The following MIPEP variants were observed in gnomAD, a reference collection of about 807,000 sequenced individuals.
The protein encoded by MIPEP is mitochondrial intermediate peptidase.
A neutral mutation model predicts 90.3 loss-of-function variants in MIPEP; 79 were observed. The observed-to-expected ratio is 0.87, with a 90% CI of 0.73 to 1.05. The LOEUF (loss-of-function observed/expected upper bound fraction) is 1.05. Among genes scored for constraint, MIPEP ranks in the 50% least tolerant of loss-of-function variants. The probability of loss-of-function intolerance (pLI) is 0.00; values close to 1 mark genes in which losing one functional copy is unlikely to be tolerated. For synonymous variants in MIPEP, 334 were observed against 315.8 expected, an observed-to-expected ratio of 1.06 and a Z score of -0.61; for missense variants, 940 against 905.6, an observed-to-expected ratio of 1.04 and a Z score of -0.49.
At chr13:23,784,619 A>G (rs1365733070) in intron 16 of MIPEP, among the ~76,000 whole-genome samples, 2 of 152,226 alleles carry the variant, frequency 1.3e-5, no homozygotes, top group African/African-American at 4.8e-5. Flanking sequence ...AATGGCAACA[A>G]AAGCCAAAAT....
chr13:23,731,969 T>TC, intron 18 of MIPEP, among the ~76,000 whole-genome samples: 1 of 318 alleles, frequency 3.1e-3, no homozygotes, highest in Middle Eastern at 0.5. Flanking sequence ...GAATAGCTAA[T>TC]TTTTTTTTTT....
In MIPEP at chr13:23,846,713, CAA is replaced by C. The variant is rs34968948; in HGVS notation, c.1107-5227_1107-5226del. ...CCACTTGTGGTGTCATGTTGGCACT[CAA>C]AAAGTTTTGGATTTTGAAGCATTTC... On this transcript the variant is annotated intron_variant, in intron 10 of 18. Coordinates refer to ENST00000382172, the MANE Select transcript of MIPEP (RefSeq NM_005932.4). Among the ~76,000 whole-genome samples, 3 of 152,238 alleles carry C rather than the reference CAA, an allele frequency of 2.0e-5. No individual in the cohort carries two copies. The East Asian group carries it at 5.8e-4, about 29-fold the overall frequency.
chr13:23,823,384 T>C (rs966184202), intron 14 of MIPEP, among the ~76,000 whole-genome samples: 1 of 152,230 alleles, frequency 6.6e-6, no homozygotes, highest in East Asian at 1.9e-4. Flanking sequence ...ATGTATTAAC[T>C]GAATAGAAGA....
chr13:23,851,621 C>T (rs1869803281), intron 10 of MIPEP, among the ~76,000 whole-genome samples: 1 of 152,142 alleles, frequency 6.6e-6, no homozygotes. Flanking sequence ...GAGATCCTGT[C>T]AGCATCAATC....
At chr13:23,851,343 A>G (rs1869790947) in intron 10 of MIPEP, among the ~76,000 whole-genome samples, 1 of 152,234 alleles carries the variant, frequency 6.6e-6, no homozygotes, top group Non-Finnish European at 1.5e-5. Context: ...AAACACAATG[A>G]ATCAATGGAA....
At chr13:23,743,621 A>G (rs1211379820) in intron 18 of MIPEP, among the ~76,000 whole-genome samples, 2 of 152,274 alleles carry the variant, frequency 1.3e-5, no homozygotes, top group Non-Finnish European at 1.5e-5. Flanking sequence ...TGTGTTAGAC[A>G]GAAGTTGAGC....
intron 3 of MIPEP, among the ~76,000 whole-genome samples, chr13:23,880,550 G>T (rs1050142653): frequency 5.3e-5 from 8 of 152,200 alleles, no homozygotes; most frequent in African/African-American, 1.7e-4. Context: ...TAATTCGGCA[G>T]GACACAGCAT....
chr13:23,758,649 ACAGTCTGCAAAGGG>A (rs1272074949), intron 17 of MIPEP, among the ~76,000 whole-genome samples: 1 of 152,254 alleles, frequency 6.6e-6, no homozygotes, highest in Non-Finnish European at 1.5e-5. Context: ...CCAAATGTCT[ACAGTCTGCAAAGGG>A]CAGAAGACAA....
Position 23,756,317 on chromosome 13 carries a change from G to A in MIPEP, c.2044+228C>T, listed in dbSNP as rs1191556063. 2.0e-5 allele frequency: 9 copies of A among 446,214 alleles called. No individual in the cohort carries two copies. In the Admixed American group the frequency reaches 2.9e-4, roughly 14 times the overall value. 27.6% of individuals were successfully genotyped at this position (446,214 alleles called of 1,614,324 possible). On this transcript the variant is annotated intron_variant, in intron 18 of 18. Coordinates refer to ENST00000382172, the MANE Select transcript of MIPEP (RefSeq NM_005932.4). ...TTACAGGCGTCTGCCACCACGCCCA[G>A]CTATTTTTTGTATTTTTAGTAGAGA...
chr13:23,878,719 G>A (rs1338045043), intron 4 of MIPEP, among the ~76,000 whole-genome samples: 2 of 152,166 alleles, frequency 1.3e-5, no homozygotes, highest in South Asian at 2.1e-4. Context: ...CCTTTTTGAT[G>A]CAGATTTATA....
At chr13:23,770,490 T>C (rs1227478291) in intron 16 of MIPEP, among the ~76,000 whole-genome samples, 2 of 152,194 alleles carry the variant, frequency 1.3e-5, no homozygotes, top group East Asian at 3.9e-4. Context: ...CCGGTTTCAC[T>C]GCTGTCCCCC....
At chr13:23,843,886 T>C (rs1869417354) in intron 10 of MIPEP, among the ~76,000 whole-genome samples, 1 of 152,166 alleles carries the variant, frequency 6.6e-6, no homozygotes, top group Non-Finnish European at 1.5e-5. Context: ...GGTTTCTGGC[T>C]TGGACAAATA....
intron 18 of MIPEP, among the ~76,000 whole-genome samples, chr13:23,751,205 C>T (rs922859067): frequency 1.2e-4 from 18 of 152,152 alleles, no homozygotes; most frequent in African/African-American, 4.3e-4. Flanking sequence ...CCATAATTCT[C>T]TGGTTTGTTT....
At chr13:23,872,712 A>C (rs1347183436) in intron 5 of MIPEP, among the ~76,000 whole-genome samples, 1 of 152,164 alleles carries the variant, frequency 6.6e-6, no homozygotes, top group East Asian at 1.9e-4. Context: ...CTCCCGGGGA[A>C]AGAGGAGCTA....
chr13:23,812,603 T>C (rs1307787036), intron 14 of MIPEP, among the ~76,000 whole-genome samples: 1 of 152,022 alleles, frequency 6.6e-6, no homozygotes, highest in African/African-American at 2.4e-5. Context: ...TGGTCGTGCC[T>C]CACTCTCCCC....
chr13:23,733,754 C>T (rs74041361), intron 18 of MIPEP, among the ~76,000 whole-genome samples: 3,194 of 152,272 alleles, frequency 0.021, 120 homozygotes, highest in African/African-American at 0.073. Flanking sequence ...CAACTGTAGA[C>T]TAAAATATTT....
intron 16 of MIPEP, among the ~76,000 whole-genome samples, chr13:23,775,516 T>C (rs1952705253): frequency 6.6e-6 from 1 of 152,206 alleles, no homozygotes; most frequent in Non-Finnish European, 1.5e-5. Flanking sequence ...TTCCCTTCCA[T>C]ACTCATCCTC....
At chr13:23,847,479 A>AAAT in intron 10 of MIPEP, among the ~76,000 whole-genome samples, 1 of 151,868 alleles carries the variant, frequency 6.6e-6, no homozygotes, top group East Asian at 1.9e-4. Flanking sequence ...AAAAAAAAAA[A>AAAT]ACCCAAACAG....
intron 18 of MIPEP, among the ~76,000 whole-genome samples, chr13:23,733,047 T>C (rs141989465): frequency 1.8e-3 from 269 of 152,314 alleles, no homozygotes; most frequent in Middle Eastern, 6.8e-3. Context: ...GATGAAGAGA[T>C]GTAAATATAG....
Sources: gnomAD v4.1 joint callset for allele counts (sites outside exome capture counted in the v4.1 genomes callset) on GRCh38, gnomAD v4.1.1 for gene constraint, MANE v1.5 for transcripts, NCBI Gene and HGNC (gene_info 2026-07-23, HGNC 2026-07-21) for gene names.